The following KCNB2 variants were observed in gnomAD, a reference collection of about 807,000 sequenced individuals.
KCNB2 encodes the protein delayed rectifier potassium channel protein.
In KCNB2, 15 loss-of-function variants were observed where a neutral mutation model predicts 61.5. The observed-to-expected ratio is 0.24, with a 90% CI of 0.16 to 0.38. The LOEUF (loss-of-function observed/expected upper bound fraction) is 0.38. Among genes scored for constraint, KCNB2 ranks in the 10% least tolerant of loss-of-function variants. The probability of loss-of-function intolerance (pLI) is 1.00; values close to 1 mark genes in which losing one functional copy is unlikely to be tolerated. For missense variants in KCNB2, 828 were observed against 1,125.2 expected, an observed-to-expected ratio of 0.74 and a Z score of 3.78; for synonymous variants, 457 against 446.0, an observed-to-expected ratio of 1.02 and a Z score of -0.31.
rs187557266 is a variant in KCNB2, at chr8:72,802,612, T to C, written c.580-133323T>C. On this transcript the variant is annotated intron_variant, in intron 2 of 2. Transcript: ENST00000523207. ...TCCTTCCATCACTTGTTTGTTTATA[T>C]CTTACTGGGGATGACAATATTGAAA... Among the ~76,000 whole-genome samples the C allele has an allele frequency of 9.8e-5, 15 of 152,312 alleles. No individual in the cohort carries two copies. In the East Asian group the frequency reaches 2.7e-3, roughly 27 times the overall value.
chr8:72,705,242 AGATTT>A (rs1287858856), intron 2 of KCNB2, among the ~76,000 whole-genome samples: 1 of 152,204 alleles, frequency 6.6e-6, no homozygotes, highest in Non-Finnish European at 1.5e-5. Flanking sequence ...ATTTGGCTGA[AGATTT>A]GTTATCCCTG....
chr8:72,726,384 G>A (rs925639322), intron 2 of KCNB2, among the ~76,000 whole-genome samples: 2 of 152,106 alleles, frequency 1.3e-5, no homozygotes, highest in Non-Finnish European at 2.9e-5. Flanking sequence ...ATTTTGTTAC[G>A]GCAACCCATG....
At chr8:72,808,918 T>C (rs1333507132) in intron 2 of KCNB2, among the ~76,000 whole-genome samples, 1 of 152,190 alleles carries the variant, frequency 6.6e-6, no homozygotes, top group South Asian at 2.1e-4. Context: ...ATGAGGTCCC[T>C]TTAATTGTTC....
chr8:72,894,989 T>G (rs762819564), intron 2 of KCNB2, among the ~76,000 whole-genome samples: 7 of 152,124 alleles, frequency 4.6e-5, no homozygotes, highest in Non-Finnish European at 1.0e-4. Context: ...TCATAAATAT[T>G]CCTGTGATCC....
At chr8:72,790,404 A>T (rs1268399290) in intron 2 of KCNB2, among the ~76,000 whole-genome samples, 3 of 152,146 alleles carry the variant, frequency 2.0e-5, no homozygotes, top group African/African-American at 7.2e-5. Flanking sequence ...GGGTAACAGG[A>T]CTCAATGCCA....
chr8:72,841,025 T>C (rs946768174), intron 2 of KCNB2, among the ~76,000 whole-genome samples: 9 of 152,190 alleles, frequency 5.9e-5, no homozygotes, highest in African/African-American at 1.9e-4. Context: ...TCTAGGGTTT[T>C]TATGGTTTCA....
chr8:72,914,100 T>G (rs1296216767), intron 2 of KCNB2, among the ~76,000 whole-genome samples: 1 of 152,194 alleles, frequency 6.6e-6, no homozygotes, highest in Non-Finnish European at 1.5e-5. Context: ...TAGTGTCTGG[T>G]GAGGGCTCAT....
At chr8:72,690,518 C>T (rs1806923920) in intron 2 of KCNB2, among the ~76,000 whole-genome samples, 1 of 152,218 alleles carries the variant, frequency 6.6e-6, no homozygotes, top group Non-Finnish European at 1.5e-5. Context: ...GTGCATCTCT[C>T]ATAGCACTTG....
At chr8:72,787,926 T>C (rs1006721100) in intron 2 of KCNB2, among the ~76,000 whole-genome samples, 6 of 152,184 alleles carry the variant, frequency 3.9e-5, no homozygotes, top group African/African-American at 1.2e-4. Flanking sequence ...GTTGAATACA[T>C]AGGCTCTGTA....
chr8:72,661,321 A>G (rs971714932), intron 2 of KCNB2: 1 of 152,140 alleles, frequency 6.6e-6, no homozygotes, highest in Non-Finnish European at 1.5e-5. Context: ...TACCTCAAAT[A>G]CATTTTTGAC....
intron 2 of KCNB2, among the ~76,000 whole-genome samples, chr8:72,615,481 C>A (rs1194881101): frequency 6.6e-6 from 1 of 152,082 alleles, no homozygotes; most frequent in East Asian, 1.9e-4. Flanking sequence ...AAGGTTTTGC[C>A]CCATAAATTT....
chr8:72,543,063 A>G (rs1806211868), intron 1 of KCNB2, among the ~76,000 whole-genome samples: 1 of 152,206 alleles, frequency 6.6e-6, no homozygotes, highest in African/African-American at 2.4e-5. Context: ...TTCTAAATAT[A>G]TTTAGAGCCA....
At chr8:72,786,573 G>T (rs531497858) in intron 2 of KCNB2, among the ~76,000 whole-genome samples, 1 of 152,274 alleles carries the variant, frequency 6.6e-6, no homozygotes, top group African/African-American at 2.4e-5. Flanking sequence ...GGTAAATTCA[G>T]CTGGGGTTCA....
intron 2 of KCNB2, among the ~76,000 whole-genome samples, chr8:72,722,194 G>A (rs1328829618): frequency 6.6e-6 from 1 of 152,110 alleles, no homozygotes; most frequent in African/African-American, 2.4e-5. Flanking sequence ...AACAACCCCA[G>A]CAGCATGCAC....
At chr8:72,757,343 T>A (rs531340276) in intron 2 of KCNB2, among the ~76,000 whole-genome samples, 1 of 151,780 alleles carries the variant, frequency 6.6e-6, no homozygotes, top group South Asian at 2.1e-4. Context: ...GAGAGGGAAA[T>A]GAGGAAAGGG....
chr8:72,785,666 C>T (rs1808834942), intron 2 of KCNB2, among the ~76,000 whole-genome samples: 1 of 151,950 alleles, frequency 6.6e-6, no homozygotes, highest in South Asian at 2.1e-4. Context: ...AATAATAAGT[C>T]ATTTGTTTTG....
intron 2 of KCNB2, among the ~76,000 whole-genome samples, chr8:72,576,259 A>G (rs929870537): frequency 6.6e-6 from 1 of 152,226 alleles, no homozygotes; most frequent in Non-Finnish European, 1.5e-5. Flanking sequence ...GCCCTGAGGC[A>G]TAAATCTGCA....
intron 2 of KCNB2, among the ~76,000 whole-genome samples, chr8:72,794,617 T>C (rs1273836275): frequency 7.0e-6 from 1 of 143,544 alleles, no homozygotes; most frequent in Non-Finnish European, 1.5e-5. Flanking sequence ...TTTACCAGGA[T>C]AGAGAAGGCT....
intron 2 of KCNB2, among the ~76,000 whole-genome samples, chr8:72,755,974 T>C (rs1216625561): frequency 2.0e-5 from 3 of 152,196 alleles, no homozygotes; most frequent in East Asian, 1.9e-4. Context: ...AGCTGGCTCC[T>C]GTAGCCCTCC....
Sources: allele counts gnomAD v4.1 joint callset (sites outside exome capture counted in the v4.1 genomes callset), GRCh38; gene constraint gnomAD v4.1.1; transcripts MANE v1.5; gene names NCBI Gene and HGNC (gene_info 2026-07-23, HGNC 2026-07-21).